ABLIM1: variants seen among roughly 807,000 people sequenced by gnomAD.
ABLIM1 encodes the protein actin binding LIM protein 1.
A neutral mutation model predicts 107.0 loss-of-function variants in ABLIM1; 40 were observed. The ratio of observed to expected loss-of-function variants is 0.37; its 90% CI spans 0.29 to 0.49. The LOEUF (loss-of-function observed/expected upper bound fraction) is 0.49, where lower values mean the gene tolerates loss of function less well. Among genes scored for constraint, ABLIM1 ranks in the 20% least tolerant of loss-of-function variants. The pLI, the probability that ABLIM1 is intolerant of heterozygous loss-of-function variation, is 0.97. For synonymous variants in ABLIM1, 357 were observed against 357.3 expected (o/e 1.00, Z 0.01); for missense variants, 857 against 1,008.5 (o/e 0.85, Z 2.04).
chr10:114,643,390 A>G (rs956103947), intron 1 of ABLIM1, among the ~76,000 whole-genome samples: 14 of 152,174 alleles, frequency 9.2e-5, no homozygotes, highest in African/African-American at 3.1e-4. Context: ...AAGCAACCTC[A>G]GATCACATCA....
chr10:114,536,300 T>G (rs1205675494), intron 6 of ABLIM1, among the ~76,000 whole-genome samples: 1 of 127,858 alleles, frequency 7.8e-6, no homozygotes, highest in Non-Finnish European at 1.6e-5. Flanking sequence ...CAGGCTGGAG[T>G]GCAATGGCAT....
At chr10:114,608,889 C>A (rs1025228975) in intron 1 of ABLIM1, among the ~76,000 whole-genome samples, 3 of 151,552 alleles carry the variant, frequency 2.0e-5, no homozygotes, top group African/African-American at 4.8e-5. Flanking sequence ...GTGGCAGGTG[C>A]CTGTTATCCC....
At chr10:114,623,424 A>T (rs1056489207) in intron 1 of ABLIM1, among the ~76,000 whole-genome samples, 1 of 152,192 alleles carries the variant, frequency 6.6e-6, no homozygotes, top group Non-Finnish European at 1.5e-5. Context: ...GCTTTGTTTC[A>T]TCCTGCTGGA....
chr10:114,693,310 C>T (rs2081122719), intron 1 of ABLIM1, among the ~76,000 whole-genome samples: 1 of 152,198 alleles, frequency 6.6e-6, no homozygotes, highest in Non-Finnish European at 1.5e-5. Context: ...AATAAACACA[C>T]ATGTTGAAAA....
At chr10:114,683,561 A>G (rs985886832) in intron 1 of ABLIM1, among the ~76,000 whole-genome samples, 1 of 152,182 alleles carries the variant, frequency 6.6e-6, no homozygotes, top group Non-Finnish European at 1.5e-5. Flanking sequence ...CCTGCGAAAC[A>G]GAGAAGAGTG....
intron 1 of ABLIM1, among the ~76,000 whole-genome samples, chr10:114,717,647 G>A (rs2081701659): frequency 6.6e-6 from 1 of 152,128 alleles, no homozygotes; most frequent in African/African-American, 2.4e-5. Flanking sequence ...GGGCACAGTG[G>A]CTCATGCCTG....
chr10:114,501,984 A>G (rs1278938397), intron 6 of ABLIM1: 1 of 152,174 alleles, frequency 6.6e-6, no homozygotes. Context: ...TCTGTGCTCC[A>G]CCTATTCATC....
chr10:114,442,374 G>A (rs1285605676), intron 17 of ABLIM1, among the ~76,000 whole-genome samples: 1 of 152,196 alleles, frequency 6.6e-6, no homozygotes, highest in East Asian at 1.9e-4. Context: ...TAAGCTGCTG[G>A]GCTTGAGAGG....
At chr10:114,789,015 G>A in the ABLIM1 span, among the ~76,000 whole-genome samples, 5,422 of 152,224 alleles carry the variant, frequency 0.036, 319 homozygotes, top group African/African-American at 0.12. Context: ...CCAGCCCTTT[G>A]GGAGGCCGAG....
At chr10:114,591,944 G>C (rs973957389) in intron 2 of ABLIM1, among the ~76,000 whole-genome samples, 5 of 152,034 alleles carry the variant, frequency 3.3e-5, no homozygotes, top group African/African-American at 1.2e-4. Flanking sequence ...TGAAACTTTT[G>C]GATTGGGGAT....
At chr10:114,545,807 G>C (rs980024306) in intron 5 of ABLIM1, among the ~76,000 whole-genome samples, 1 of 151,554 alleles carries the variant, frequency 6.6e-6, no homozygotes, top group African/African-American at 2.4e-5. Flanking sequence ...AGGTGTAGCT[G>C]TAAGTCCCAG....
intron 1 of ABLIM1, among the ~76,000 whole-genome samples, chr10:114,667,863 A>C (rs1409502105): frequency 6.6e-6 from 1 of 152,256 alleles, no homozygotes; most frequent in African/African-American, 2.4e-5. Context: ...ACCCCAATGC[A>C]AAAATAATCA....
chr10:114,466,453 C>CATA (rs2065183440), intron 11 of ABLIM1, among the ~76,000 whole-genome samples: 1 of 111,376 alleles, frequency 9.0e-6, no homozygotes, highest in Non-Finnish European at 1.9e-5. Context: ...ACCAGATCTG[C>CATA]ATAACAAGAA....
Position 114,658,260 on chromosome 10 carries a change from C to T in ABLIM1, c.-60G>A, listed in dbSNP as rs2079622929. ...AGTGGGGACCCAAGGAGCGGTGCTG[C>T]CCCACAATTCTCTCTGTTCCCCTGG... is the stretch of plus-strand genomic sequence containing the variant. On this transcript the variant is annotated 5_prime_UTR_variant, in exon 1 of 23. Coordinates refer to ENST00000533213, the MANE Select transcript of ABLIM1 (RefSeq NM_002313.7). The T allele has an allele frequency of 3.2e-6, 5 of 1,539,836 alleles. No homozygotes were observed. The highest frequency in any genetic ancestry group is 4.4e-6 in the Non-Finnish European group (5 of 1,142,002).
intron 1 of ABLIM1, among the ~76,000 whole-genome samples, chr10:114,756,674 T>A (rs1284159495): frequency 6.6e-6 from 1 of 152,244 alleles, no homozygotes; most frequent in Non-Finnish European, 1.5e-5. Flanking sequence ...TTAATTACCA[T>A]TTGTAAATTC....
chr10:114,440,922 A>C (rs1762642333), intron 19 of ABLIM1, 95 bp downstream of exon 19: 9 of 1,210,772 alleles, frequency 7.4e-6, no homozygotes, highest in Non-Finnish European at 9.6e-6. Flanking sequence ...CTAAGGATAC[A>C]ATACAGCATG....
intron 6 of ABLIM1, among the ~76,000 whole-genome samples, chr10:114,521,029 A>G (rs905136784): frequency 6.6e-6 from 1 of 152,206 alleles, no homozygotes; most frequent in Admixed American, 6.5e-5. Context: ...TTATCCTTAG[A>G]GATGTCACTG....
chr10:114,501,187 G>A (rs1402973781), intron 6 of ABLIM1, among the ~76,000 whole-genome samples: 1 of 152,184 alleles, frequency 6.6e-6, no homozygotes, highest in Non-Finnish European at 1.5e-5. Context: ...CAGCCACAAT[G>A]TGAGGTAGGT....
intron 10 of ABLIM1, among the ~76,000 whole-genome samples, chr10:114,471,211 G>A (rs1483066257): frequency 6.6e-6 from 1 of 152,164 alleles, no homozygotes; most frequent in Non-Finnish European, 1.5e-5. Flanking sequence ...GGTTTTAAAT[G>A]CAGAGATTTT....
Sources: allele counts gnomAD v4.1 joint callset (sites outside exome capture counted in the v4.1 genomes callset), GRCh38; gene constraint gnomAD v4.1.1; transcripts MANE v1.5; gene names NCBI Gene and HGNC (gene_info 2026-07-23, HGNC 2026-07-21).